Variants in RAB3B observed in about 807,000 individuals in gnomAD.
The protein encoded by RAB3B is ras-related protein Rab-3B.
Under a neutral mutation model 20.5 loss-of-function variants are expected in RAB3B, and 11 were observed. That is an observed-to-expected ratio of 0.54 (90% CI 0.34 to 0.89). The LOEUF (loss-of-function observed/expected upper bound fraction) is 0.89, where lower values mean the gene tolerates loss of function less well. Among genes scored for constraint, RAB3B ranks in the 40% least tolerant of loss-of-function variants. The pLI is 0.02. For synonymous variants in RAB3B, 99 were observed against 106.3 expected (o/e 0.93, Z 0.42); for missense variants, 225 against 280.9 (o/e 0.80, Z 1.42).
chr1:51,960,180 T>G (rs1283194840), intron 2 of RAB3B, among the ~76,000 whole-genome samples: 1 of 152,246 alleles, frequency 6.6e-6, no homozygotes, highest in East Asian at 1.9e-4. Flanking sequence ...GCTCACAGTC[T>G]GCTCTCAATA....
At chr1:51,924,607 G>A (rs908749123) in intron 4 of RAB3B, among the ~76,000 whole-genome samples, 1 of 152,034 alleles carries the variant, frequency 6.6e-6, no homozygotes, top group African/African-American at 2.4e-5. Context: ...AGTCAGCAGG[G>A]GGCCAAACAG....
intron 2 of RAB3B, among the ~76,000 whole-genome samples, chr1:51,971,909 G>A (rs945748324): frequency 2.0e-5 from 3 of 152,300 alleles, no homozygotes; most frequent in Non-Finnish European, 2.9e-5. Flanking sequence ...GGCCAGGCAC[G>A]GTGGGTCACG....
At chr1:51,932,281 C>T in intron 4 of RAB3B, among the ~76,000 whole-genome samples, 1 of 152,272 alleles carries the variant, frequency 6.6e-6, no homozygotes, top group Admixed American at 6.5e-5. Flanking sequence ...ATACTTACAA[C>T]ACTAAGGATG....
chr1:51,941,674 A>T (rs1184361817), intron 2 of RAB3B, among the ~76,000 whole-genome samples: 1 of 152,226 alleles, frequency 6.6e-6, no homozygotes, highest in Admixed American at 6.5e-5. Context: ...ACCTTACTCC[A>T]TAAAACAAAA....
rs1184137696 is a variant in RAB3B at position 51,918,192 on chromosome 1, A to C, written c.*1735T>G. On this transcript the variant is annotated 3_prime_UTR_variant, in exon 5 of 5. Coordinates refer to ENST00000371655, the MANE Select transcript of RAB3B (RefSeq NM_002867.4). ...TTCCCACACTCTCTGGTAGAAACTA[A>C]GGTTTCACTCCCAGGAGAAAGGGGT... is the stretch of plus-strand genomic sequence containing the variant. The C allele has an allele frequency of 6.6e-6, 1 of 152,200 alleles. No individual in the cohort carries two copies. The highest frequency in any genetic ancestry group is 2.4e-5 in the African/African-American group (1 of 41,466). 9.4% of individuals were successfully genotyped at this position (152,200 alleles called of 1,614,324 possible). A position where few individuals can be genotyped will look rare whatever the true frequency, so the allele number is the denominator to read the frequency against.
intron 1 of RAB3B, among the ~76,000 whole-genome samples, chr1:51,982,962 TCAC>T (rs1482723406): frequency 6.6e-6 from 1 of 152,152 alleles, no homozygotes; most frequent in African/African-American, 2.4e-5. Flanking sequence ...TCACATTCAC[TCAC>T]CACTCACTCA....
chr1:51,936,542 T>C (rs896702623), intron 3 of RAB3B, among the ~76,000 whole-genome samples: 2 of 152,338 alleles, frequency 1.3e-5, no homozygotes, highest in African/African-American at 4.8e-5. Flanking sequence ...AAACTCCTTA[T>C]AGCAGCACAC....
chr1:51,970,826 A>G (rs1684919291), intron 2 of RAB3B, among the ~76,000 whole-genome samples: 1 of 151,628 alleles, frequency 6.6e-6, no homozygotes, highest in Admixed American at 6.6e-5. Flanking sequence ...TAACACGGTG[A>G]AACCCCGTCT....
intron 2 of RAB3B, among the ~76,000 whole-genome samples, chr1:51,968,882 G>A (rs1468368542): frequency 6.6e-6 from 1 of 152,172 alleles, no homozygotes; most frequent in Non-Finnish European, 1.5e-5. Flanking sequence ...TCACATCACT[G>A]TGGAATTCAG....
At chr1:51,937,827 G>T (rs1684428645) in intron 2 of RAB3B, among the ~76,000 whole-genome samples, 1 of 151,936 alleles carries the variant, frequency 6.6e-6, no homozygotes, top group South Asian at 2.1e-4. Flanking sequence ...TCTATTATGT[G>T]TCTTGTATTG....
At chr1:51,981,096 T>A (rs2124317010) in intron 1 of RAB3B, among the ~76,000 whole-genome samples, 1 of 152,328 alleles carries the variant, frequency 6.6e-6, no homozygotes, top group East Asian at 1.9e-4. Flanking sequence ...AATGGCACTA[T>A]CTTGGCTCAC....
At position 51,908,528 on chromosome 1, in the gene RAB3B, C is replaced by T. The variant is rs1683951978; in HGVS notation, c.*11399G>A. ...CCTGGCTCCTTGATCTGAGGGAAGC[C>T]TCTGCTGTTCAACCTGCTCCAGGGT... is the stretch of plus-strand genomic sequence containing the variant. On this transcript the variant is annotated 3_prime_UTR_variant, in exon 5 of 5. Coordinates refer to ENST00000371655, the MANE Select transcript of RAB3B (RefSeq NM_002867.4). 6.6e-6 allele frequency: 1 copy of T among 151,892 alleles called. No homozygotes were observed. The highest frequency in any genetic ancestry group is 2.1e-4 in the South Asian group (1 of 4,816). The allele number at this position is 151,892 out of a possible 1,614,324, so 9.4% of individuals were successfully genotyped here. A position where few individuals can be genotyped will look rare whatever the true frequency, so the allele number is the denominator to read the frequency against.
At chr1:51,928,615 C>T (rs1012124031) in intron 4 of RAB3B, among the ~76,000 whole-genome samples, 1 of 152,164 alleles carries the variant, frequency 6.6e-6, no homozygotes, top group African/African-American at 2.4e-5. Context: ...GGCTGAACAT[C>T]CCCCTTCACT....
In RAB3B at chr1:51,955,323, C is replaced by T. The variant is rs1487693814; in HGVS notation, c.229-17911G>A. Among the ~76,000 whole-genome samples the T allele has an allele frequency of 2.6e-5, 4 of 152,208 alleles. No individual in the cohort carries two copies. In the East Asian group the frequency reaches 5.8e-4, roughly 22 times the overall value. The stretch of plus-strand genomic sequence containing the variant: ...TGAATGCCCACAGCCCTGGGTTCTA[C>T]AGCACCCTCTGACATGACATTCCAA... On this transcript the variant is annotated intron_variant, in intron 2 of 4. Coordinates refer to ENST00000371655, the MANE Select transcript of RAB3B (RefSeq NM_002867.4).
chr1:51,989,103 G>GCACACACACACACACACACACACA (rs60307928), intron 1 of RAB3B, among the ~76,000 whole-genome samples: 4 of 132,676 alleles, frequency 3.0e-5, no homozygotes, highest in Admixed American at 7.3e-5. Context: ...CTGTGCGCGC[G>GCACACACACACACACACACACACA]CACACACACA....
In RAB3B at chr1:51,919,989, A is replaced by C; in HGVS notation, c.598T>G (p.Ser200Ala). The change falls in exon 5 of 5, where the codon TCC becomes GCC. Residue 200 changes from serine to alanine, a missense_variant. Ser to Ala is a moderately conservative substitution (Grantham distance 99, BLOSUM62 1). Coordinates refer to ENST00000371655, the MANE Select transcript of RAB3B (RefSeq NM_002867.4). The part of the protein sequence containing the change: ...SLDTDPSMLG[S>A]SKNTRLSDTP... ...TCCGAGAGACGCGTGTTCTTGGAGG[A>C]GCCCAGCATCGACGGGTCTGTGTCC... 6.2e-7 allele frequency: 1 copy of C among 1,614,074 alleles called. No homozygotes were observed. The highest frequency in any genetic ancestry group is 1.1e-5 in the South Asian group (1 of 91,066).
chr1:51,963,311 G>A (rs955874778), intron 2 of RAB3B, among the ~76,000 whole-genome samples: 8 of 152,062 alleles, frequency 5.3e-5, no homozygotes, highest in Non-Finnish European at 7.4e-5. Context: ...CATCCCTTGT[G>A]TTGTTACCTC....
intron 4 of RAB3B, among the ~76,000 whole-genome samples, chr1:51,927,943 C>A (rs1193234740): frequency 6.6e-6 from 1 of 152,142 alleles, no homozygotes; most frequent in Non-Finnish European, 1.5e-5. Flanking sequence ...AAGCCCCTTT[C>A]CGAGGAGCAC....
intron 1 of RAB3B, among the ~76,000 whole-genome samples, chr1:51,986,237 G>A (rs1164493747): frequency 1.4e-5 from 2 of 145,746 alleles, no homozygotes; most frequent in South Asian, 2.2e-4. Context: ...TGCAAGCTCC[G>A]CCTCCCGGGT....
Sources: gnomAD v4.1 joint callset for allele counts (sites outside exome capture counted in the v4.1 genomes callset) on GRCh38, gnomAD v4.1.1 for gene constraint, MANE v1.5 for transcripts, NCBI Gene and HGNC (gene_info 2026-07-23, HGNC 2026-07-21) for gene names.